Variants in CRTC1 observed in about 807,000 individuals in gnomAD.
CRTC1 encodes CREB regulated transcription coactivator 1, also known as CREB-regulated transcription coactivator 1.
In CRTC1, 18 loss-of-function variants were observed where a neutral mutation model predicts 66.1. The ratio of observed to expected loss-of-function variants is 0.27; its 90% CI spans 0.19 to 0.40. The LOEUF (loss-of-function observed/expected upper bound fraction) is 0.40, where lower values mean the gene tolerates loss of function less well. CRTC1 is among the 10% of genes least tolerant of loss of function. The pLI is 1.00. For missense variants in CRTC1, 669 were observed against 887.9 expected (o/e 0.75, Z 3.13); for synonymous variants, 416 against 398.8 (o/e 1.04, Z -0.51).
At chr19:18,701,139 G>A (rs995074220) in intron 1 of CRTC1, among the ~76,000 whole-genome samples, 1 of 152,246 alleles carries the variant, frequency 6.6e-6, no homozygotes, top group Non-Finnish European at 1.5e-5. Context: ...CTTCACTGCC[G>A]GCTCAGCCGG....
At chr19:18,726,335 G>A (rs2053752193) in intron 1 of CRTC1, among the ~76,000 whole-genome samples, 1 of 152,266 alleles carries the variant, frequency 6.6e-6, no homozygotes, top group Non-Finnish European at 1.5e-5. Flanking sequence ...GGACAGCAGA[G>A]GAGGCCCAGG....
chr19:18,687,967 AC>A (rs1248260627), intron 1 of CRTC1, among the ~76,000 whole-genome samples: 1 of 151,606 alleles, frequency 6.6e-6, no homozygotes, highest in Admixed American at 6.6e-5. Flanking sequence ...GGGTTTCTCA[AC>A]CCCTCTGGGC....
chr19:18,712,468 CA>C (rs1156658658), intron 1 of CRTC1, among the ~76,000 whole-genome samples: 3 of 151,684 alleles, frequency 2.0e-5, no homozygotes, highest in African/African-American at 4.8e-5. Flanking sequence ...CCATGTTGGC[CA>C]GGCTGGTCTA....
chr19:18,712,503 G>A (rs1456240568), intron 1 of CRTC1, among the ~76,000 whole-genome samples: 2 of 150,780 alleles, frequency 1.3e-5, no homozygotes, highest in East Asian at 2.0e-4. Context: ...CAGGTAATCC[G>A]CCTGCCGTGG....
At chr19:18,742,049 G>A (rs185523783) in intron 1 of CRTC1, among the ~76,000 whole-genome samples, 3 of 152,244 alleles carry the variant, frequency 2.0e-5, no homozygotes, top group Admixed American at 6.5e-5. Context: ...CTCTCCTCAC[G>A]GTGGCTGCCT....
intron 1 of CRTC1, among the ~76,000 whole-genome samples, chr19:18,729,014 T>C (rs1279594191): frequency 1.3e-5 from 2 of 150,486 alleles, no homozygotes; most frequent in African/African-American, 4.9e-5. Context: ...GGTTCCACCA[T>C]GTTGGCCAGG....
In CRTC1 at chr19:18,744,200, C is replaced by T. The variant is rs746255596; in HGVS notation, c.243+1174C>T. 2.6e-5 allele frequency: 41 copies of T among 1,587,342 alleles called. No homozygotes were observed. In the South Asian group the frequency reaches 4.6e-4, roughly 18 times the overall value. On this transcript the variant is annotated intron_variant, in intron 2 of 13. Transcript: ENST00000321949. The stretch of plus-strand genomic sequence containing the variant: ...GAGGCCGCGGCGTCCCCGGCGCCAG[C>T]CTGCAAGACCCCGACCCGTGTGCGG...
chr19:18,780,278 G>A lies in CRTC1; in HGVS notation c.*2896G>A, dbSNP rs1379958107. 2 of 231,142 alleles carry A rather than the reference G, an allele frequency of 8.7e-6. No homozygotes were observed. Among genetic ancestry groups the A allele is most frequent in the Non-Finnish European group, 1.7e-5 (2 of 116,842 alleles). 14.3% of individuals were successfully genotyped at this position (231,142 alleles called of 1,614,324 possible). On this transcript the variant is annotated 3_prime_UTR_variant, in exon 14 of 14. Coordinates refer to ENST00000321949, the MANE Select transcript of CRTC1 (RefSeq NM_015321.3). Reference sequence around the variant, plus strand: ...CTGCAGACCCTCTGCTGGGTACATCGGTCCCCTACGGCGAAGTTCAGCCAG... The same window carrying A: ...CTGCAGACCCTCTGCTGGGTACATCAGTCCCCTACGGCGAAGTTCAGCCAG...
Position 18,779,519 on chromosome 19 carries a change from T to C in CRTC1, c.*2137T>C, listed in dbSNP as rs1005904537. On this transcript the variant is annotated 3_prime_UTR_variant, in exon 14 of 14. Coordinates refer to ENST00000321949, the MANE Select transcript of CRTC1 (RefSeq NM_015321.3). ...GAGAGTTTCATTACCATTAGACTTG[T>C]ATGTAGGACTTAAAAAAAAATGGCC... 2.8e-5 allele frequency: 6 copies of C among 214,722 alleles called. No homozygotes were observed. Among genetic ancestry groups the C allele is most frequent in the Non-Finnish European group, 5.6e-5 (6 of 107,622 alleles). 13.3% of individuals were successfully genotyped at this position (214,722 alleles called of 1,614,324 possible).
In CRTC1 at chr19:18,735,874, CT is replaced by C. The variant is rs1457926358; in HGVS notation, c.127-7035del. Among the ~76,000 whole-genome samples the C allele has an allele frequency of 2.6e-5, 4 of 152,228 alleles. No homozygotes were observed. The East Asian group carries it at 5.8e-4, about 22-fold the overall frequency. On this transcript the variant is annotated intron_variant, in intron 1 of 13. Transcript: ENST00000321949. ...TCTAATGCTTGCTGCCCGCTCTGGGCTGTGGGCTCGTGTGAGCAGTGCCCAT... is the reference window on the plus strand; with the variant it reads ...TCTAATGCTTGCTGCCCGCTCTGGGCGTGGGCTCGTGTGAGCAGTGCCCAT...
In CRTC1 at chr19:18,686,787, GAC is replaced by G. The variant is rs571902212; in HGVS notation, c.126+2963_126+2964del. Reference sequence around the variant, plus strand: ...GAGGTGAGTTCACACTAGATTTTTAGACACAAAGCATTGTTCTCTTTCTGGGG... The same window carrying G: ...GAGGTGAGTTCACACTAGATTTTTAGACAAAGCATTGTTCTCTTTCTGGGG... On this transcript the variant is annotated intron_variant, in intron 1 of 13. Transcript: ENST00000321949. Among the ~76,000 whole-genome samples the G allele has an allele frequency of 5.3e-5, 8 of 151,972 alleles. No homozygotes were observed. The East Asian group carries it at 1.5e-3, about 29-fold the overall frequency.
chr19:18,744,767 G>T (rs2054193674), intron 2 of CRTC1, among the ~76,000 whole-genome samples: 1 of 152,180 alleles, frequency 6.6e-6, no homozygotes, highest in Admixed American at 6.5e-5. Flanking sequence ...GGGGGCAAGA[G>T]CCACGGAAAG....
chr19:18,693,064 G>A (rs1418049602), intron 1 of CRTC1, among the ~76,000 whole-genome samples: 2 of 112,638 alleles, frequency 1.8e-5, no homozygotes, highest in Admixed American at 2.3e-4. Flanking sequence ...GACAGAGCGA[G>A]ACTCCGTCTC....
chr19:18,746,996 G>C (rs965223245), intron 3 of CRTC1, 57 bp from the exon 4 acceptor site: 2 of 1,536,662 alleles, frequency 1.3e-6, no homozygotes, highest in African/African-American at 2.7e-5. Context: ...TGGGCTGAGA[G>C]TGTGTTGTTG....
At chr19:18,701,781 A>T (rs2053146744) in intron 1 of CRTC1, among the ~76,000 whole-genome samples, 1 of 146,148 alleles carries the variant, frequency 6.8e-6, no homozygotes, top group Admixed American at 6.9e-5. Context: ...AATGTTTTTT[A>T]TTTTTTTTGT....
At chr19:18,751,592 C>T (rs2054364615) in intron 5 of CRTC1, among the ~76,000 whole-genome samples, 1 of 152,200 alleles carries the variant, frequency 6.6e-6, no homozygotes, top group South Asian at 2.1e-4. Context: ...AGGAAAGGCA[C>T]TTTCAGGCCC....
chr19:18,736,548 C>T (rs7251560), intron 1 of CRTC1, among the ~76,000 whole-genome samples: 32,760 of 151,922 alleles, frequency 0.22, 3,853 homozygotes, highest in East Asian at 0.3. Context: ...GGAGGAGGCT[C>T]AGTGCTGGGC....
intron 12 of CRTC1, 126 bp from the exon 13 acceptor site, chr19:18,775,515 G>A (rs928155739): frequency 1.2e-6 from 1 of 852,250 alleles, no homozygotes; most frequent in Non-Finnish European, 1.7e-6. Context: ...CAGCCTGGGT[G>A]CCGAGCATCC....
Position 18,747,164 on chromosome 19 carries a change from C to T in CRTC1, c.443+50C>T, listed in dbSNP as rs765287754. 3.1e-6 allele frequency: 4 copies of T among 1,276,448 alleles called. No homozygotes were observed. The South Asian group carries it at 4.8e-5, about 15-fold the overall frequency. 79.1% of individuals were successfully genotyped at this position (1,276,448 alleles called of 1,614,324 possible). On this transcript the variant is annotated intron_variant, in intron 4 of 13. Transcript: ENST00000321949. ...CGCCCCCTTCTTGTTGGAAACAAAA[C>T]CAAACTCTCATCATGGTTACATGTG...
Sources: gnomAD v4.1 joint callset for allele counts (sites outside exome capture counted in the v4.1 genomes callset) on GRCh38, gnomAD v4.1.1 for gene constraint, MANE v1.5 for transcripts, NCBI Gene and HGNC (gene_info 2026-07-23, HGNC 2026-07-21) for gene names.